The following PCDHA4 variants were observed in gnomAD, a reference collection of about 807,000 sequenced individuals.
PCDHA4 encodes the protein protocadherin alpha-4.
Under a neutral mutation model 61.4 loss-of-function variants are expected in PCDHA4, and 49 were observed. That is an observed-to-expected ratio of 0.80 (90% CI 0.63 to 1.01). The LOEUF (loss-of-function observed/expected upper bound fraction) is 1.01, where lower values mean the gene tolerates loss of function less well. PCDHA4 is among the 50% of genes least tolerant of loss of function. The probability of loss-of-function intolerance (pLI) is 0.00; values close to 1 mark genes in which losing one functional copy is unlikely to be tolerated. For synonymous variants in PCDHA4, 590 were observed against 550.3 expected, an observed-to-expected ratio of 1.07 and a Z score of -1.01; for missense variants, 1,254 against 1,235.8, an observed-to-expected ratio of 1.01 and a Z score of -0.22.
chr5:140,826,765 G>C (rs186327192), intron 1 of PCDHA4, among the ~76,000 whole-genome samples: 115 of 152,292 alleles, frequency 7.6e-4, no homozygotes, highest in Middle Eastern at 3.4e-3. Context: ...TCATATTGGA[G>C]AGTAATTGAA....
chr5:140,995,883 A>C (rs892876266), intron 3 of PCDHA4, among the ~76,000 whole-genome samples: 2 of 152,232 alleles, frequency 1.3e-5, no homozygotes, highest in Admixed American at 6.5e-5. Flanking sequence ...CCTGTGCTTC[A>C]GATTTATCAA....
rs782226254 is a variant in PCDHA4 at position 140,882,345 on chromosome 5, C to T, written c.2385+72773C>T. The T allele has an allele frequency of 6.8e-6, 11 of 1,614,042 alleles. No homozygotes were observed. In the Admixed American group the frequency reaches 1.5e-4, roughly 22 times the overall value. Reference sequence around the variant, plus strand: ...CTTCTGATCCTCGCAGCCTGGGAGACGGGTAGTGGCCAGCTCCACTACTCC... The same window carrying T: ...CTTCTGATCCTCGCAGCCTGGGAGATGGGTAGTGGCCAGCTCCACTACTCC... On this transcript the variant is annotated intron_variant, in intron 1 of 3. Transcript: ENST00000530339.
In PCDHA4 at chr5:141,011,088, T is replaced by TTCTC. The variant is rs375099849; in HGVS notation, c.*1165_*1168dup. 6.6e-6 allele frequency: 1 copy of TTCTC among 152,032 alleles called. No homozygotes were observed. Among genetic ancestry groups the TTCTC allele is most frequent in the Non-Finnish European group, 1.5e-5 (1 of 67,462 alleles). 9.4% of individuals were successfully genotyped at this position (152,032 alleles called of 1,614,324 possible). A position where few individuals can be genotyped will look rare whatever the true frequency, so the allele number is the denominator to read the frequency against. On this transcript the variant is annotated 3_prime_UTR_variant, in exon 4 of 4. Transcript: ENST00000530339. The stretch of plus-strand genomic sequence containing the variant: ...TATTACTAAATAAAATGATCTCTCT[T>TTCTC]TCTCTCTCTCTCTCTCTTTTCTAAG...
chr5:140,863,264 C>T (rs1432032847), intron 1 of PCDHA4: 3 of 1,454,794 alleles, frequency 2.1e-6, no homozygotes, highest in Non-Finnish European at 1.9e-6. Context: ...GTCCGGGAGG[C>T]AGCGCTGGTG....
chr5:140,899,197 A>G (rs1300452676), intron 1 of PCDHA4, among the ~76,000 whole-genome samples: 2 of 152,018 alleles, frequency 1.3e-5, no homozygotes, highest in Admixed American at 6.6e-5. Context: ...TCTCCTGCCT[A>G]ATTGCCCTGG....
At chr5:140,937,064 G>A (rs2091301496) in intron 1 of PCDHA4, among the ~76,000 whole-genome samples, 1 of 143,854 alleles carries the variant, frequency 7.0e-6, no homozygotes, top group Admixed American at 7.1e-5. Context: ...TTGAGACGGA[G>A]TCTCGCTCTG....
At chr5:140,993,431 C>T (rs1171497178) in intron 3 of PCDHA4, among the ~76,000 whole-genome samples, 1 of 149,406 alleles carries the variant, frequency 6.7e-6, no homozygotes, top group African/African-American at 2.5e-5. Context: ...TTTTAAAATC[C>T]TTATTCATTC....
At chr5:140,966,821 C>T (rs1554228738) in intron 1 of PCDHA4, 1 of 1,557,928 alleles carries the variant, frequency 6.4e-7, no homozygotes, top group Admixed American at 1.9e-5. Flanking sequence ...GCTCCGGCGG[C>T]CCATGCCCTG....
intron 1 of PCDHA4, among the ~76,000 whole-genome samples, chr5:140,941,270 T>C (rs1437273239): frequency 1.2e-4 from 17 of 136,774 alleles, no homozygotes; most frequent in Admixed American, 2.3e-4. Flanking sequence ...TCTTTCTTTC[T>C]TTCCTTCCTT....
intron 1 of PCDHA4, chr5:140,875,630 G>A: frequency 6.2e-7 from 1 of 1,613,686 alleles, no homozygotes. Context: ...CAGGACCTGG[G>A]GCTGGAGCTG....
chr5:140,872,007 G>A (rs974078446), intron 1 of PCDHA4, among the ~76,000 whole-genome samples: 7 of 152,176 alleles, frequency 4.6e-5, no homozygotes, highest in African/African-American at 1.4e-4. Flanking sequence ...ATTTACAGGT[G>A]ACCTGTAGCC....
chr5:140,966,050 C>T (rs1554228018), intron 1 of PCDHA4, among the ~76,000 whole-genome samples: 3 of 152,206 alleles, frequency 2.0e-5, no homozygotes, highest in African/African-American at 7.2e-5. Context: ...TCGCCAGTAA[C>T]CCCAGAGCGC....
rs1554262937 is a variant in PCDHA4 at position 141,010,412 on chromosome 5, G to A, written c.*475G>A. 2.5e-6 allele frequency: 3 copies of A among 1,201,296 alleles called. No homozygotes were observed. Among genetic ancestry groups the A allele is most frequent in the Non-Finnish European group, 3.4e-6 (3 of 885,080 alleles). 74.4% of individuals were successfully genotyped at this position (1,201,296 alleles called of 1,614,324 possible). On this transcript the variant is annotated 3_prime_UTR_variant, in exon 4 of 4. Coordinates refer to ENST00000530339, the MANE Select transcript of PCDHA4 (RefSeq NM_018907.4). ...GAGACGAGCCAGCTTAGACTAATTG[G>A]TACAAGGAAGGCAAGAAAACAAAGA...
At chr5:140,956,142 T>C (rs1416783643) in intron 1 of PCDHA4, among the ~76,000 whole-genome samples, 1 of 152,194 alleles carries the variant, frequency 6.6e-6, no homozygotes, top group East Asian at 1.9e-4. Flanking sequence ...CCTTTATTTC[T>C]TTCTCTTTCC....
intron 1 of PCDHA4, chr5:140,871,023 C>T: frequency 6.2e-7 from 1 of 1,613,268 alleles, no homozygotes; most frequent in Non-Finnish European, 8.5e-7. Context: ...ACGAGGCAGA[C>T]TCGCCGCGCC....
At chr5:140,830,655 T>C in intron 1 of PCDHA4, 2 of 431,072 alleles carry the variant, frequency 4.6e-6, no homozygotes, top group Non-Finnish European at 7.5e-6. Flanking sequence ...TTAATATTCA[T>C]AATTTAAGTG....
chr5:141,002,080 C>A (rs1220737696), intron 3 of PCDHA4, among the ~76,000 whole-genome samples: 1 of 152,236 alleles, frequency 6.6e-6, no homozygotes, highest in Non-Finnish European at 1.5e-5. Context: ...CGCCAAAGAA[C>A]GAGCAGTCCA....
At chr5:141,001,536 A>G (rs562513933) in intron 3 of PCDHA4, among the ~76,000 whole-genome samples, 153 of 152,240 alleles carry the variant, frequency 1.0e-3, no homozygotes, top group African/African-American at 3.5e-3. Context: ...CTGATCCTGG[A>G]CAGGATTTGG....
At chr5:140,969,513 A>G (rs2096339726) in intron 1 of PCDHA4, 1 of 1,417,106 alleles carries the variant, frequency 7.1e-7, no homozygotes, top group Non-Finnish European at 9.4e-7. Context: ...ATAGCACTAA[A>G]GAATTGTTTT....
Sources: allele counts gnomAD v4.1 joint callset (sites outside exome capture counted in the v4.1 genomes callset), GRCh38; gene constraint gnomAD v4.1.1; transcripts MANE v1.5; gene names NCBI Gene and HGNC (gene_info 2026-07-23, HGNC 2026-07-21).